Variants in DDR2 observed in about 807,000 individuals in gnomAD.
DDR2 encodes the protein discoidin domain receptor tyrosine kinase 2.
A neutral mutation model predicts 94.9 loss-of-function variants in DDR2; 27 were observed. That is an observed-to-expected ratio of 0.28 (90% CI 0.21 to 0.39). DDR2 has a LOEUF of 0.39. Ranked by LOEUF, DDR2 falls within the 10% of genes least tolerant of loss-of-function variation. The pLI, the probability that DDR2 is intolerant of heterozygous loss-of-function variation, is 1.00. For missense variants in DDR2, 783 were observed against 1,076.0 expected (o/e 0.73, Z 3.81); for synonymous variants, 382 against 377.2 (o/e 1.01, Z -0.15).
At position 162,778,697 on chromosome 1, in the gene DDR2, A is replaced by G; in HGVS notation, c.2401A>G (p.Thr801Ala). The change falls in exon 17 of 18, where the codon ACT becomes GCT. Residue 801 changes from threonine (T) to alanine (A), a missense_variant. By Grantham distance (58) the Thr-to-Ala change is moderately conservative (BLOSUM62 0). Around this residue, in one of 2 missense-constraint regions of DDR2, gnomAD observed 264 missense variants for 428.2 expected, o/e 0.62. Transcript: ENST00000367921. ...GTCAGATGAACAGGTTATTGAGAATACTGGAGAGTTCTTCCGAGACCAAGG... is the reference window on the plus strand; with the variant it reads ...GTCAGATGAACAGGTTATTGAGAATGCTGGAGAGTTCTTCCGAGACCAAGG... ...QLSDEQVIEN[T>A]GEFFRDQGRQ... The G allele has an allele frequency of 6.2e-7, 1 of 1,613,988 alleles. No homozygotes were observed. Among genetic ancestry groups the G allele is most frequent in the Non-Finnish European group, 8.5e-7 (1 of 1,179,906 alleles).
intron 3 of DDR2, among the ~76,000 whole-genome samples, chr1:162,736,858 G>A (rs781461250): frequency 6.6e-6 from 1 of 152,208 alleles, no homozygotes; most frequent in Non-Finnish European, 1.5e-5. Context: ...TCCTGAAGGA[G>A]AAGTATACTT....
intron 2 of DDR2, among the ~76,000 whole-genome samples, chr1:162,683,453 A>G (rs1243187373): frequency 6.6e-6 from 1 of 152,180 alleles, no homozygotes; most frequent in African/African-American, 2.4e-5. Context: ...TAGAACTAAT[A>G]AATTCTCCTA....
chr1:162,760,241 AAC>A (rs1041918461), intron 8 of DDR2, among the ~76,000 whole-genome samples: 3 of 152,074 alleles, frequency 2.0e-5, no homozygotes, highest in Non-Finnish European at 4.4e-5. Context: ...TTAAGCCAAT[AAC>A]ACAGTGTCCA....
At chr1:162,742,557 C>T (rs971202118) in intron 3 of DDR2, among the ~76,000 whole-genome samples, 4 of 152,242 alleles carry the variant, frequency 2.6e-5, no homozygotes, top group African/African-American at 9.6e-5. Flanking sequence ...GGGCATGGCC[C>T]AAGCCATTCA....
chr1:162,634,605 T>C (rs1353569322), intron 1 of DDR2, among the ~76,000 whole-genome samples: 2 of 152,218 alleles, frequency 1.3e-5, no homozygotes, highest in Non-Finnish European at 2.9e-5. Context: ...AGTGCCCATC[T>C]CCTTTGAATG....
chr1:162,779,714 G>C (rs1647791341), intron 17 of DDR2, among the ~76,000 whole-genome samples: 1 of 152,186 alleles, frequency 6.6e-6, no homozygotes, highest in Non-Finnish European at 1.5e-5. Context: ...GAGTACATGA[G>C]ATAAGTGAGT....
intron 3 of DDR2, among the ~76,000 whole-genome samples, chr1:162,721,669 G>A (rs2806424): frequency 0.58 from 88,652 of 152,074 alleles, 29,505 homozygotes; most frequent in Non-Finnish European, 0.74. Flanking sequence ...GACTATAACT[G>A]AAAGTATTGA....
At chr1:162,740,984 T>C (rs1031581711) in intron 3 of DDR2, among the ~76,000 whole-genome samples, 1 of 151,912 alleles carries the variant, frequency 6.6e-6, no homozygotes, top group African/African-American at 2.4e-5. Context: ...AAGCAAAGGT[T>C]AAAGTCTGGT....
Position 162,752,702 on chromosome 1 carries a change from C to T in DDR2, c.83-393C>T, listed in dbSNP as rs866310093. 3.3e-5 allele frequency among the ~76,000 whole-genome samples: 5 copies of T among 152,224 alleles called. No homozygotes were observed. The Middle Eastern group carries it at 0.01, about 313-fold the overall frequency. ...AAAATAATTCTTTGGGTCATAAAGG[C>T]GCCTGGTGATTATGAGGGTTCCTCA... On this transcript the variant is annotated intron_variant, in intron 3 of 17. Transcript: ENST00000367921.
intron 2 of DDR2, among the ~76,000 whole-genome samples, chr1:162,666,870 A>G (rs145217434): frequency 0.059 from 8,832 of 150,192 alleles, 329 homozygotes; most frequent in South Asian, 0.12. Flanking sequence ...CCTTCTTGAC[A>G]TTTTTCTAAA....
intron 3 of DDR2, among the ~76,000 whole-genome samples, chr1:162,720,150 A>AT (rs5778286): frequency 0.57 from 85,510 of 150,236 alleles, 27,436 homozygotes; most frequent in Non-Finnish European, 0.73. Context: ...AATTGGAGTC[A>AT]TTTTTTTTTT....
In DDR2 at chr1:162,653,235, A is replaced by T. The variant is rs143114030; in HGVS notation, c.-191-1976A>T. 2.0e-5 allele frequency among the ~76,000 whole-genome samples: 3 copies of T among 152,316 alleles called. No individual in the cohort carries two copies. The East Asian group carries it at 5.8e-4, about 29-fold the overall frequency. On this transcript the variant is annotated intron_variant, in intron 1 of 17. Coordinates refer to ENST00000367921, the MANE Select transcript of DDR2 (RefSeq NM_006182.4). ...TACGTCAGCAAAATTGTGAACCAAC[A>T]GGATTAACCTTTTGCCGTCTTAGTA...
chr1:162,772,352 C>T, intron 13 of DDR2, 105 bp downstream of exon 13: 1 of 1,172,438 alleles, frequency 8.5e-7, no homozygotes, highest in East Asian at 2.5e-5. Context: ...AACAGAATGT[C>T]TCTTCCATTT....
At position 162,741,248 on chromosome 1, in the gene DDR2, ATAATG is replaced by A. The variant is rs371729446; in HGVS notation, c.83-11832_83-11828del. On this transcript the variant is annotated intron_variant, in intron 3 of 17. Coordinates refer to ENST00000367921, the MANE Select transcript of DDR2 (RefSeq NM_006182.4). ...ATAATATAATATAATATAATATAGT[ATAATG>A]TAATGTAATGTAATATAATATAATA... Among the ~76,000 whole-genome samples the A allele has an allele frequency of 7.9e-4, 95 of 120,794 alleles. 1 individual carries two copies. The highest frequency in any genetic ancestry group is 3.0e-3 in the African/African-American group (91 of 30,844). The allele number at this position is 120,794 out of a possible 152,430, so 79.2% of individuals were successfully genotyped here.
chr1:162,743,346 G>A (rs898250714), intron 3 of DDR2, among the ~76,000 whole-genome samples: 6 of 152,098 alleles, frequency 3.9e-5, no homozygotes, highest in African/African-American at 1.4e-4. Context: ...CCAAGCCTGG[G>A]CATTATGCTC....
chr1:162,726,661 G>T (rs76720966), intron 3 of DDR2, among the ~76,000 whole-genome samples: 7 of 152,288 alleles, frequency 4.6e-5, no homozygotes, highest in African/African-American at 1.4e-4. Context: ...ACTCCAGGAA[G>T]AGCTTCACAC....
At chr1:162,697,230 G>A (rs903395255) in intron 2 of DDR2, among the ~76,000 whole-genome samples, 4 of 147,012 alleles carry the variant, frequency 2.7e-5, no homozygotes, top group Non-Finnish European at 4.4e-5. Context: ...ACGAGATGGA[G>A]TTAGAGACAC....
chr1:162,744,328 C>T lies in DDR2; in HGVS notation c.83-8767C>T, dbSNP rs75122551. Among the ~76,000 whole-genome samples, 1,441 of 152,210 alleles carry T rather than the reference C, an allele frequency of 9.5e-3. 22 individuals are homozygous for T. The highest frequency in any genetic ancestry group is 0.033 in the African/African-American group (1,376 of 41,520). On this transcript the variant is annotated intron_variant, in intron 3 of 17. Coordinates refer to ENST00000367921, the MANE Select transcript of DDR2 (RefSeq NM_006182.4). ...CCTCATTTCCCTTTCCTCCCAATTC[C>T]TGGCAACCATCATTCTACTTTGTTT...
intron 2 of DDR2, among the ~76,000 whole-genome samples, chr1:162,678,578 G>A (rs1400868853): frequency 6.6e-5 from 10 of 152,212 alleles, no homozygotes; most frequent in Non-Finnish European, 1.0e-4. Flanking sequence ...CCAAGGTCAC[G>A]GAGTAAGTCA....
Sources: gnomAD v4.1 joint callset for allele counts (sites outside exome capture counted in the v4.1 genomes callset) on GRCh38, gnomAD v4.1.1 for gene constraint, gnomAD v4.1.1 regional missense constraint, MANE v1.5 for transcripts, NCBI Gene and HGNC (gene_info 2026-07-23, HGNC 2026-07-21) for gene names.